PLB1: variants seen among roughly 807,000 people sequenced by gnomAD.
PLB1 encodes phospholipase B1.
PLB1 carries 242 observed loss-of-function variants against 227.4 expected under a neutral mutation model. The ratio of observed to expected loss-of-function variants is 1.06; its 90% confidence interval spans 0.96 to 1.18. The LOEUF is 1.18. Among genes scored for constraint, PLB1 ranks in the 50% most tolerant of loss-of-function variants. The pLI, the probability that PLB1 is intolerant of heterozygous loss-of-function variation, is 0.00. For synonymous variants in PLB1, 757 were observed against 682.2 expected, an observed-to-expected ratio of 1.11 and a Z score of -1.71; for missense variants, 1,858 against 1,816.3, an observed-to-expected ratio of 1.02 and a Z score of -0.42.
intron 21 of PLB1, among the ~76,000 whole-genome samples, chr2:28,573,889 C>T (rs1022968458): frequency 8.5e-5 from 13 of 152,240 alleles, no homozygotes; most frequent in African/African-American, 1.4e-4. Context: ...ATAGTGTACA[C>T]GTGACACACG....
chr2:28,631,893 G>C, intron 54 of PLB1, 143 bp from the exon 55 acceptor site: 2 of 645,248 alleles, frequency 3.1e-6, no homozygotes, highest in East Asian at 5.5e-5. Context: ...AAGTATGTTT[G>C]CATCCCACTA....
At chr2:28,590,818 A>G (rs1381595992) in intron 29 of PLB1, among the ~76,000 whole-genome samples, 1 of 152,136 alleles carries the variant, frequency 6.6e-6, no homozygotes, top group African/African-American at 2.4e-5. Context: ...TCCAGCAGAA[A>G]GAGGTGCATG....
At chr2:28,642,612 G>A (rs1690096014) in intron 57 of PLB1, among the ~76,000 whole-genome samples, 1 of 152,190 alleles carries the variant, frequency 6.6e-6, no homozygotes, top group South Asian at 2.1e-4. Context: ...AATCAGGTTT[G>A]ATGGCCAAGG....
intron 42 of PLB1, 29 bp from the exon 43 acceptor site, chr2:28,606,467 C>A: frequency 1.9e-6 from 3 of 1,601,028 alleles, no homozygotes; most frequent in Non-Finnish European, 2.6e-6. Flanking sequence ...AACTACTACA[C>A]CCGTGTCTCT....
intron 19 of PLB1, chr2:28,566,522 G>GT (rs1676931644): frequency 9.0e-6 from 4 of 446,530 alleles, no homozygotes; most frequent in Non-Finnish European, 1.6e-5. Context: ...GAAAGCAGGG[G>GT]TGCAAGGAAC....
intron 17 of PLB1, among the ~76,000 whole-genome samples, chr2:28,555,180 C>T (rs1674868386): frequency 8.0e-6 from 1 of 125,240 alleles, no homozygotes; most frequent in African/African-American, 3.1e-5. Context: ...TTTGCTCTGT[C>T]ACCCAGGCTG....
At chr2:28,636,033 G>GTGTGTGTGTGTGTATGTA (rs1553467799) in intron 56 of PLB1, among the ~76,000 whole-genome samples, 5 of 149,692 alleles carry the variant, frequency 3.3e-5, no homozygotes, top group African/African-American at 1.2e-4. Context: ...GTGTGTATGT[G>GTGTGTGTGTGTGTATGTA]TGTGTGTGTA....
intron 1 of PLB1, among the ~76,000 whole-genome samples, chr2:28,507,090 T>C (rs1667716802): frequency 6.6e-6 from 1 of 152,152 alleles, no homozygotes; most frequent in Admixed American, 6.5e-5. Context: ...CAATGGTGGC[T>C]GAGGTGAAGC....
At chr2:28,554,205 A>G (rs987015997) in intron 17 of PLB1, among the ~76,000 whole-genome samples, 3 of 152,208 alleles carry the variant, frequency 2.0e-5, no homozygotes, top group African/African-American at 4.8e-5. Flanking sequence ...TCAGCTTCAT[A>G]TGTAGACCCT....
intron 17 of PLB1, among the ~76,000 whole-genome samples, chr2:28,562,291 C>G (rs1185663827): frequency 6.6e-6 from 1 of 152,028 alleles, no homozygotes; most frequent in Admixed American, 6.6e-5. Flanking sequence ...CGCCTGTAAT[C>G]CCAGCACTTT....
At position 28,529,313 on chromosome 2, in the gene PLB1, T is replaced by C. The variant is rs746303653; in HGVS notation, c.326-4T>C. 2.5e-6 allele frequency: 4 copies of C among 1,602,054 alleles called. No homozygotes were observed. The highest frequency in any genetic ancestry group is 3.4e-6 in the Non-Finnish European group (4 of 1,169,160). On this transcript the variant is annotated splice_polypyrimidine_tract_variant and splice_region_variant and intron_variant, in intron 6 of 57. Transcript: ENST00000327757. ...CCAGGGCCTCAAACCAGTTCTCTCTTTAGTCCTTTCAGACATCATCAGATA... is the reference window on the plus strand; with the variant it reads ...CCAGGGCCTCAAACCAGTTCTCTCTCTAGTCCTTTCAGACATCATCAGATA...
chr2:28,639,594 C>T (rs180955397), intron 56 of PLB1, among the ~76,000 whole-genome samples: 3 of 152,218 alleles, frequency 2.0e-5, no homozygotes, highest in East Asian at 1.9e-4. Flanking sequence ...TGTGTACTGA[C>T]GAGAAGGAAC....
chr2:28,502,237 A>G (rs1667183562), intron 1 of PLB1, among the ~76,000 whole-genome samples: 1 of 152,216 alleles, frequency 6.6e-6, no homozygotes, highest in Non-Finnish European at 1.5e-5. Context: ...TAATTTGATT[A>G]TGTTTTCATA....
At chr2:28,538,412 G>A (rs1260831354) in intron 10 of PLB1, 31 bp downstream of exon 10, 2 of 1,600,374 alleles carry the variant, frequency 1.2e-6, no homozygotes, top group East Asian at 2.2e-5. Flanking sequence ...CTTCCCCAAG[G>A]GCAGTGGGGC....
At chr2:28,573,604 C>T (rs1260465658) in intron 21 of PLB1, among the ~76,000 whole-genome samples, 5 of 152,346 alleles carry the variant, frequency 3.3e-5, no homozygotes, top group East Asian at 3.9e-4. Context: ...GCTCACTCTG[C>T]GTCCCAGTTG....
At chr2:28,527,729 G>A (rs1325968640) in intron 6 of PLB1, among the ~76,000 whole-genome samples, 1 of 152,224 alleles carries the variant, frequency 6.6e-6, no homozygotes, top group Non-Finnish European at 1.5e-5. Context: ...CTTGGAGGCA[G>A]TGAGGACAGA....
At chr2:28,620,003 C>T (rs1373157996) in intron 46 of PLB1, among the ~76,000 whole-genome samples, 1 of 151,784 alleles carries the variant, frequency 6.6e-6, no homozygotes, top group Non-Finnish European at 1.5e-5. Flanking sequence ...AGGAACACGG[C>T]AAAGGGAACA....
At chr2:28,636,480 A>T (rs187698203) in intron 56 of PLB1, among the ~76,000 whole-genome samples, 1 of 152,180 alleles carries the variant, frequency 6.6e-6, no homozygotes, top group Non-Finnish European at 1.5e-5. Flanking sequence ...TCCTAGGTAT[A>T]TCCCCAAAAG....
At chr2:28,592,965 C>T (rs1240697441) in intron 32 of PLB1, among the ~76,000 whole-genome samples, 1 of 152,202 alleles carries the variant, frequency 6.6e-6, no homozygotes, top group East Asian at 1.9e-4. Context: ...CACCCAATAA[C>T]ACTTTTTTAA....
Sources: gnomAD v4.1 joint callset for allele counts (sites outside exome capture counted in the v4.1 genomes callset) on GRCh38, gnomAD v4.1.1 for gene constraint, MANE v1.5 for transcripts, NCBI Gene and HGNC (gene_info 2026-07-23, HGNC 2026-07-21) for gene names.